UBA3: variants seen among roughly 807,000 people sequenced by gnomAD.
UBA3 encodes the protein ubiquitin like modifier activating enzyme 3.
Under a neutral mutation model 73.5 loss-of-function variants are expected in UBA3, and 26 were observed. That is an observed-to-expected ratio of 0.35 (90% CI 0.26 to 0.49). The LOEUF is 0.49. UBA3 is among the 20% of genes least tolerant of loss of function. UBA3 has a pLI of 0.98. For missense variants in UBA3, 495 were observed against 555.6 expected, an observed-to-expected ratio of 0.89 and a Z score of 1.10; for synonymous variants, 217 against 191.2, an observed-to-expected ratio of 1.13 and a Z score of -1.11.
intron 8 of UBA3, 83 bp from the exon 9 acceptor site, chr3:69,063,220 G>C: frequency 6.5e-7 from 1 of 1,545,758 alleles, no homozygotes; most frequent in Non-Finnish European, 8.8e-7. Context: ...AATCCTATGA[G>C]TCGGTTGTGC....
chr3:69,063,135 T>C lies in UBA3; in HGVS notation c.540A>G (p.Ile180Met), dbSNP rs1227959433. The C allele has an allele frequency of 2.5e-6, 4 of 1,613,434 alleles. No homozygotes were observed. The highest frequency in any genetic ancestry group is 2.5e-6 in the Non-Finnish European group (3 of 1,179,826). ...CACCATCTTCATAATTTAGAAGAGA[T>C]ATCTAGGAAAACAATTTGAAGGGCT... ...IARRWINGML[I>M]SLLNYEDGVL... The change falls in exon 9 of 18, where the codon ATA becomes ATG. Residue 180 changes from isoleucine (I) to methionine (M), a missense_variant and splice_region_variant. Coordinates refer to ENST00000361055, the MANE Select transcript of UBA3 (RefSeq NM_003968.4).
At position 69,056,805 on chromosome 3, in the gene UBA3, G is replaced by A; in HGVS notation, c.975C>T (p.Ala325=). The A allele has an allele frequency of 6.2e-7, 1 of 1,612,774 alleles. No homozygotes were observed. Among genetic ancestry groups the A allele is most frequent in the Non-Finnish European group, 8.5e-7 (1 of 1,179,518 alleles). Residue 325 remains alanine (A), a synonymous_variant, in exon 13 of 18, where the codon GCC becomes GCT. Coordinates refer to ENST00000361055, the MANE Select transcript of UBA3 (RefSeq NM_003968.4). ...TTGTGGCTATTTTAAAAACCTCAGTGGCACACACAGCTGAAGGGAGGAGAA... is the reference window on the plus strand; with the variant it reads ...TTGTGGCTATTTTAAAAACCTCAGTAGCACACACAGCTGAAGGGAGGAGAA... The part of the protein sequence containing the change: ...STNAVIAAVC[A]TEVFKIATSA...
chr3:69,056,798 C>G lies in UBA3; in HGVS notation c.982G>C (p.Val328Leu), dbSNP rs766719466. 6.2e-7 allele frequency: 1 copy of G among 1,612,930 alleles called. No homozygotes were observed. Among genetic ancestry groups the G allele is most frequent in the Non-Finnish European group, 8.5e-7 (1 of 1,179,564 alleles). Residue 328 changes from valine (V) to leucine (L), a missense_variant, in exon 13 of 18, where the codon GTT becomes CTT. Val to Leu is a conservative substitution (Grantham distance 32). Transcript: ENST00000361055. ...TATTACCTTGTGGCTATTTTAAAAA[C>G]CTCAGTGGCACACACAGCTGAAGGG... ...AVIAAVCATE[V>L]FKIATSAYIP... is the part of the protein sequence containing the mutation.
chr3:69,063,133 G>C lies in UBA3; in HGVS notation c.542C>G (p.Ser181Cys). The C allele has an allele frequency of 6.2e-7, 1 of 1,613,484 alleles. No homozygotes were observed. The highest frequency in any genetic ancestry group is 8.5e-7 in the Non-Finnish European group (1 of 1,179,798). ...GACACCATCTTCATAATTTAGAAGA[G>C]ATATCTAGGAAAACAATTTGAAGGG... Reference protein sequence around the residue: ...ARRWINGMLISLLNYEDGVLD... With the variant: ...ARRWINGMLICLLNYEDGVLD... Residue 181 changes from serine to cysteine, a missense_variant, in exon 9 of 18, where the codon TCT (serine) becomes TGT (cysteine). Ser to Cys is a moderately radical substitution (Grantham distance 112). Transcript: ENST00000361055.
chr3:69,063,543 G>A (rs2092041471), intron 7 of UBA3, 40 bp from the exon 8 acceptor site: 1 of 1,456,878 alleles, frequency 6.9e-7, no homozygotes, highest in South Asian at 1.3e-5. Flanking sequence ...TTTTAAATAT[G>A]TAGTTGCATG....
At chr3:69,066,271 A>G (rs1490753227) in intron 6 of UBA3, among the ~76,000 whole-genome samples, 1 of 152,002 alleles carries the variant, frequency 6.6e-6, no homozygotes, top group Non-Finnish European at 1.5e-5. Context: ...GTCTCAAGCA[A>G]TCCTCCCACC....
intron 11 of UBA3, among the ~76,000 whole-genome samples, chr3:69,059,820 G>A (rs1471043954): frequency 6.6e-6 from 1 of 152,118 alleles, no homozygotes; most frequent in East Asian, 1.9e-4. Flanking sequence ...TCTAAAAAAG[G>A]AAACTATAAC....
At chr3:69,062,345 A>G (rs1277323828) in intron 9 of UBA3, among the ~76,000 whole-genome samples, 166 bp from the exon 10 acceptor site, 3 of 152,248 alleles carry the variant, frequency 2.0e-5, no homozygotes, top group Non-Finnish European at 2.9e-5. Context: ...TAACTGAGTC[A>G]CTTCACTTAG....
In UBA3 at chr3:69,063,734, T is replaced by TA. The variant is rs528696034; in HGVS notation, c.473-232dup. 7.7e-4 allele frequency among the ~76,000 whole-genome samples: 110 copies of TA among 143,030 alleles called. 1 individual carries two copies. Among genetic ancestry groups the TA allele is most frequent in the Admixed American group, 1.7e-3 (24 of 14,232 alleles). 93.8% of individuals were successfully genotyped at this position (143,030 alleles called of 152,430 possible). On this transcript the variant is annotated intron_variant, in intron 7 of 17. Transcript: ENST00000361055. ...GCCCTAAAAAATAAAGTTTACTAAT[T>TA]AAAAAAAAAAAGCACTTGCAGAAAA...
intron 8 of UBA3, 83 bp downstream of exon 8, chr3:69,063,356 A>C: frequency 7.0e-7 from 1 of 1,432,632 alleles, no homozygotes; most frequent in South Asian, 1.3e-5. Flanking sequence ...CTGATTTTTC[A>C]AAAATATATC....
chr3:69,079,371 A>G (rs2092198089), intron 2 of UBA3, among the ~76,000 whole-genome samples: 1 of 152,238 alleles, frequency 6.6e-6, no homozygotes, highest in East Asian at 1.9e-4. Context: ...AGGGACACAC[A>G]TAAAGATCAA....
intron 5 of UBA3, 191 bp downstream of exon 5, chr3:69,071,344 C>T (rs937518453): frequency 4.2e-6 from 2 of 474,640 alleles, no homozygotes; most frequent in African/African-American, 4.1e-5. Flanking sequence ...GTTTACATAA[C>T]TACTATCACC....
intron 4 of UBA3, 70 bp from the exon 5 acceptor site, chr3:69,071,687 A>C (rs551096394): frequency 1.0e-6 from 1 of 966,174 alleles, no homozygotes; most frequent in Admixed American, 3.1e-5. Flanking sequence ...TTTGTTTTCA[A>C]TGTAGTCTTA....
chr3:69,059,567 G>C (rs921237613), intron 11 of UBA3, among the ~76,000 whole-genome samples: 2 of 152,106 alleles, frequency 1.3e-5, no homozygotes, highest in Admixed American at 6.5e-5. Context: ...CACCATCCCC[G>C]GCGTAGGAAC....
chr3:69,058,386 G>A (rs1373520733), intron 11 of UBA3, among the ~76,000 whole-genome samples: 11 of 152,186 alleles, frequency 7.2e-5, no homozygotes, highest in Admixed American at 7.2e-4. Flanking sequence ...AACACTGTAA[G>A]ATGTGTTCCC....
chr3:69,077,999 G>C, intron 2 of UBA3, 81 bp from the exon 3 acceptor site: 1 of 1,521,938 alleles, frequency 6.6e-7, no homozygotes, highest in Non-Finnish European at 8.9e-7. Flanking sequence ...ATCCCCAAAT[G>C]AAAAGGTAAC....
intron 4 of UBA3, among the ~76,000 whole-genome samples, chr3:69,074,570 T>C (rs2092148381): frequency 1.3e-5 from 2 of 152,150 alleles, no homozygotes; most frequent in Admixed American, 1.3e-4. Context: ...CCTTGGCCAA[T>C]TATTTGGGTC....
chr3:69,068,962 A>G (rs1312469081), intron 5 of UBA3, among the ~76,000 whole-genome samples: 1 of 152,274 alleles, frequency 6.6e-6, no homozygotes, highest in Non-Finnish European at 1.5e-5. Context: ...ATAAGGCCTC[A>G]AAAGGTCACT....
intron 3 of UBA3, chr3:69,077,570 AT>A (rs2092178600): frequency 2.4e-6 from 1 of 417,648 alleles, no homozygotes; most frequent in African/African-American, 2.1e-5. Flanking sequence ...ATGAAGTTAG[AT>A]TTTTCTCACA....
Sources: allele counts gnomAD v4.1 joint callset (sites outside exome capture counted in the v4.1 genomes callset), GRCh38; gene constraint gnomAD v4.1.1; transcripts MANE v1.5; gene names NCBI Gene and HGNC (gene_info 2026-07-23, HGNC 2026-07-21).